The following TAMM41 variants were observed in gnomAD, a reference collection of about 807,000 sequenced individuals.
TAMM41 encodes the protein TAM41 mitochondrial translocator assembly and maintenance homolog, also known as phosphatidate cytidylyltransferase, mitochondrial.
TAMM41 carries 36 observed loss-of-function variants against 44.1 expected under a neutral mutation model. The ratio of observed to expected loss-of-function variants is 0.82; its 90% CI spans 0.63 to 1.08. The LOEUF is 1.08. Among genes scored for constraint, TAMM41 ranks in the 50% least tolerant of loss-of-function variants. The probability of loss-of-function intolerance (pLI) is 0.00; values close to 1 mark genes in which losing one functional copy is unlikely to be tolerated. For synonymous variants in TAMM41, 164 were observed against 153.1 expected (o/e 1.07, Z -0.53); for missense variants, 417 against 404.3 (o/e 1.03, Z -0.27).
At chr3:11,797,242 ACTAT>A (rs2077627263) in intron 7 of TAMM41, among the ~76,000 whole-genome samples, 3 of 152,240 alleles carry the variant, frequency 2.0e-5, no homozygotes. Context: ...CCGACTTCAA[ACTAT>A]AAATACAGGG....
In TAMM41 at chr3:11,846,826, CGAGAA is replaced by C; in HGVS notation, c.-195_-191del. Reference sequence around the variant, plus strand: ...GGCGTTGGGCCACGAAGAGCAGCGGCGAGAAGACGCAGCCCAGATAGGCTCGGGTG... The same window carrying C: ...GGCGTTGGGCCACGAAGAGCAGCGGCGACGCAGCCCAGATAGGCTCGGGTG... On this transcript the variant is annotated 5_prime_UTR_variant, in exon 1 of 8. Coordinates refer to ENST00000455809, the MANE Select transcript of TAMM41 (RefSeq NM_001284401.2). 1 of 693,170 alleles carries C rather than the reference CGAGAA, an allele frequency of 1.4e-6. No individual in the cohort carries two copies. Among genetic ancestry groups the C allele is most frequent in the Non-Finnish European group, 2.4e-6 (1 of 423,474 alleles). The allele number at this position is 693,170 out of a possible 1,614,324, so 42.9% of individuals were successfully genotyped here.
chr3:11,725,343 TCCTCCTCCTTTTTTTTCTTCTTCTC>T, the TAMM41 span, among the ~76,000 whole-genome samples: 1 of 80,662 alleles, frequency 1.2e-5, no homozygotes, highest in Non-Finnish European at 2.8e-5. Context: ...TTTCTTCTCC[TCCTCCTCCTTTTTTTTCTTCTTCTC>T]CTCCTCCTCT....
At position 11,839,272 on chromosome 3, in the gene TAMM41, C is replaced by G; in HGVS notation, c.361G>C (p.Asp121His). 2 of 1,613,734 alleles carry G rather than the reference C, an allele frequency of 1.2e-6. No individual in the cohort carries two copies. Among genetic ancestry groups the G allele is most frequent in the East Asian group, 4.5e-5 (2 of 44,862 alleles). Residue 121 changes from aspartate (D) to histidine (H), a missense_variant, in exon 3 of 8, where the codon GAT becomes CAT. By Grantham distance (81) the Asp-to-His change is moderately conservative. Coordinates refer to ENST00000455809, the MANE Select transcript of TAMM41 (RefSeq NM_001284401.2). ...GVISTNVLIE[D>H]LLNWNNLYIA... ...TATAAGTTATTCCAGTTGAGGAGAT[C>G]TTCAATCAGAACGTTAGTGCTAATA... is the stretch of plus-strand genomic sequence containing the variant.
intron 3 of TAMM41, among the ~76,000 whole-genome samples, chr3:11,833,916 T>C (rs2079077004): frequency 6.6e-6 from 1 of 152,164 alleles, no homozygotes; most frequent in South Asian, 2.1e-4. Flanking sequence ...GGTTGAGCTG[T>C]GTGGTATGCG....
chr3:11,743,277 A>G, the TAMM41 span, among the ~76,000 whole-genome samples: 1 of 151,202 alleles, frequency 6.6e-6, no homozygotes, highest in Admixed American at 6.6e-5. Context: ...TTCTGGTCCC[A>G]TGGTCCTCCA....
downstream of TAMM41, among the ~76,000 whole-genome samples, chr3:11,786,108 G>C (rs1001435686): frequency 3.9e-5 from 6 of 152,064 alleles, no homozygotes; most frequent in Non-Finnish European, 7.4e-5. Flanking sequence ...GCCCAGGCTG[G>C]TGTGGGCTTG....
At chr3:11,771,910 T>C in the TAMM41 span, among the ~76,000 whole-genome samples, 1 of 151,964 alleles carries the variant, frequency 6.6e-6, no homozygotes, top group Non-Finnish European at 1.5e-5. Context: ...TTTTAAAAAG[T>C]TTATATATTT....
the TAMM41 span, among the ~76,000 whole-genome samples, chr3:11,722,570 A>G: frequency 6.6e-6 from 1 of 152,254 alleles, no homozygotes; most frequent in Non-Finnish European, 1.5e-5. Context: ...TGTTAAAAAT[A>G]AAATTAAAAA....
the TAMM41 span, among the ~76,000 whole-genome samples, chr3:11,762,975 T>G: frequency 6.6e-6 from 1 of 152,164 alleles, no homozygotes; most frequent in Non-Finnish European, 1.5e-5. Context: ...AAGGCGGAGG[T>G]TGCAGTAAGC....
the TAMM41 span, among the ~76,000 whole-genome samples, chr3:11,764,846 G>A: frequency 6.6e-6 from 1 of 152,086 alleles, no homozygotes; most frequent in Non-Finnish European, 1.5e-5. Flanking sequence ...CAAATTTGAT[G>A]TAAGTTATAT....
chr3:11,825,826 C>G (rs2078726066), intron 4 of TAMM41, among the ~76,000 whole-genome samples: 1 of 151,572 alleles, frequency 6.6e-6, no homozygotes, highest in Non-Finnish European at 1.5e-5. Flanking sequence ...GGGTCTGGCT[C>G]TGTTGCCCAG....
chr3:11,722,096 C>A, the TAMM41 span, among the ~76,000 whole-genome samples: 15 of 152,326 alleles, frequency 9.8e-5, no homozygotes, highest in East Asian at 2.9e-3. Context: ...TTGTTTGCTG[C>A]TAAATGATTT....
intron 5 of TAMM41, among the ~76,000 whole-genome samples, chr3:11,814,623 T>TA (rs1385504386): frequency 6.6e-6 from 1 of 151,402 alleles, no homozygotes; most frequent in South Asian, 2.1e-4. Flanking sequence ...ACAGAAATAA[T>TA]AAAAAAAATT....
At chr3:11,757,893 G>C in the TAMM41 span, among the ~76,000 whole-genome samples, 1 of 152,226 alleles carries the variant, frequency 6.6e-6, no homozygotes, top group African/African-American at 2.4e-5. Flanking sequence ...AGAATAGCAG[G>C]GTCCTCGTTG....
the TAMM41 span, among the ~76,000 whole-genome samples, chr3:11,769,788 T>C: frequency 6.6e-6 from 1 of 152,214 alleles, no homozygotes; most frequent in Non-Finnish European, 1.5e-5. Flanking sequence ...TCTTTCAGCC[T>C]CAAGAGGAGT....
chr3:11,817,018 G>T, intron 5 of TAMM41, 174 bp downstream of exon 5: 1 of 613,222 alleles, frequency 1.6e-6, no homozygotes, highest in Non-Finnish European at 2.6e-6. Context: ...CTTATTACTA[G>T]TCTGTTACCT....
At chr3:11,772,725 C>A in the TAMM41 span, among the ~76,000 whole-genome samples, 1 of 152,080 alleles carries the variant, frequency 6.6e-6, no homozygotes, top group Admixed American at 6.5e-5. Context: ...ATTTTTAGTT[C>A]TTTGAGAAAT....
rs1484617928 is a variant in TAMM41 at position 11,835,992 on chromosome 3, T to C, written c.411+3230A>G. ...CTCTGCTTCCAATATTCCTTTTCCT[T>C]TTTTTTTTTTTTTTTGAGACTGGGT... On this transcript the variant is annotated intron_variant, in intron 3 of 7. Transcript: ENST00000455809. Among the ~76,000 whole-genome samples, 6 of 145,628 alleles carry C rather than the reference T, an allele frequency of 4.1e-5. No homozygotes were observed. The East Asian group carries it at 1.2e-3, about 29-fold the overall frequency.
the TAMM41 span, among the ~76,000 whole-genome samples, chr3:11,758,764 C>T: frequency 6.6e-6 from 1 of 152,148 alleles, no homozygotes; most frequent in African/African-American, 2.4e-5. Context: ...ACCCCCGCCT[C>T]CCAGGTTCAA....
Sources: gnomAD v4.1 joint callset for allele counts (sites outside exome capture counted in the v4.1 genomes callset) on GRCh38, gnomAD v4.1.1 for gene constraint, MANE v1.5 for transcripts, NCBI Gene and HGNC (gene_info 2026-07-23, HGNC 2026-07-21) for gene names.